DDX51: variants seen among roughly 807,000 people sequenced by gnomAD.
DDX51 encodes ATP-dependent RNA helicase DDX51.
DDX51 carries 67 observed loss-of-function variants against 74.6 expected under a neutral mutation model. That is an observed-to-expected ratio of 0.90 (90% CI 0.74 to 1.10). DDX51 has a LOEUF of 1.10. Among genes scored for constraint, DDX51 ranks in the 50% least tolerant of loss-of-function variants. The probability of loss-of-function intolerance (pLI) is 0.00; values close to 1 mark genes in which losing one functional copy is unlikely to be tolerated. For missense variants in DDX51, 1,056 were observed against 905.2 expected (o/e 1.17, Z -2.14); for synonymous variants, 545 against 402.9 (o/e 1.35, Z -4.22).
rs1897278996 is a variant in DDX51, at chr12:132,137,115, T to A, written c.*2157A>T. ...TCTGTGCTGCTCTGTGACACTTTTC[T>A]GCGAGGGTCTCTGGGTCTGCTCCCA... On this transcript the variant is annotated 3_prime_UTR_variant, in exon 15 of 15. Transcript: ENST00000397333. 1 of 152,252 alleles carries A rather than the reference T, an allele frequency of 6.6e-6. No homozygotes were observed. Among genetic ancestry groups the A allele is most frequent in the Non-Finnish European group, 1.5e-5 (1 of 68,068 alleles). 9.4% of individuals were successfully genotyped at this position (152,252 alleles called of 1,614,324 possible).
chr12:132,144,231 G>A lies in DDX51; in HGVS notation c.66C>T (p.Gly22=), dbSNP rs1897608605. 17 of 1,219,160 alleles carry A rather than the reference G, an allele frequency of 1.4e-5. No homozygotes were observed. In the East Asian group the frequency reaches 5.3e-4, roughly 38 times the overall value. The allele number at this position is 1,219,160 out of a possible 1,614,324, so 75.5% of individuals were successfully genotyped here. Residue 22 remains glycine, a synonymous_variant, in exon 1 of 15, where the codon GGC becomes GGT. Transcript: ENST00000397333. ...PDAAAAAGPE[G]AEAGAHGRAR... ...CCCTGCCGTGCGCCCCGGCCTCCGC[G>A]CCCTCCGGCCCCGCCGCAGCTGCCG...
At chr12:132,139,490 G>T in intron 14 of DDX51, 145 bp downstream of exon 14, 1 of 1,564,560 alleles carries the variant, frequency 6.4e-7, no homozygotes, top group Non-Finnish European at 8.8e-7. Flanking sequence ...CCCGCCCTTG[G>T]GCCAGAAGCT....
At position 132,138,971 on chromosome 12, in the gene DDX51, A is replaced by G; in HGVS notation, c.*301T>C. 4.4e-6 allele frequency: 2 copies of G among 454,272 alleles called. No individual in the cohort carries two copies. Among genetic ancestry groups the G allele is most frequent in the Non-Finnish European group, 7.9e-6 (2 of 254,196 alleles). 28.1% of individuals were successfully genotyped at this position (454,272 alleles called of 1,614,324 possible). A position where few individuals can be genotyped will look rare whatever the true frequency, so the allele number is the denominator to read the frequency against. ...GGTTAATGCCCCCAACTCTCAGCAA[A>G]AGCATGACGGGTGCCCGCGTCCGTC... On this transcript the variant is annotated 3_prime_UTR_variant, in exon 15 of 15. Transcript: ENST00000397333.
At chr12:132,142,237 C>T (rs1330126061) in intron 4 of DDX51, 40 bp downstream of exon 4, 1 of 1,606,938 alleles carries the variant, frequency 6.2e-7, no homozygotes, top group Admixed American at 1.7e-5. Context: ...TACCTGTCCT[C>T]TGCACACCCG....
At position 132,140,938 on chromosome 12, in the gene DDX51, C is replaced by T. The variant is rs765177581; in HGVS notation, c.1333G>A (p.Gly445Ser). 1 of 1,613,210 alleles carries T rather than the reference C, an allele frequency of 6.2e-7. No homozygotes were observed. Residue 445 changes from glycine (G) to serine (S), a missense_variant, in exon 9 of 15, where the codon GGC (glycine) becomes AGC (serine). Gly to Ser is a moderately conservative substitution (Grantham distance 56). Transcript: ENST00000397333. Reference protein sequence around the residue: ...TQNPEKLQQLGLHQPRLFSTG... With the variant: ...TQNPEKLQQLSLHQPRLFSTG... ...GAGAAAAGCCGGGGCTGGTGGAGGC[C>T]CAGCTGCTGCAGCTTTTCAGGGTTC...
intron 9 of DDX51, 46 bp downstream of exon 9, chr12:132,140,785 C>T (rs1360382576): frequency 3.7e-6 from 6 of 1,612,996 alleles, no homozygotes; most frequent in African/African-American, 1.3e-5. Flanking sequence ...GGTTAGGGGC[C>T]CCAGGTTCCC....
chr12:132,144,220 C>G lies in DDX51; in HGVS notation c.77G>C (p.Gly26Ala), dbSNP rs1897608193. The G allele has an allele frequency of 3.3e-6, 4 of 1,209,972 alleles. No homozygotes were observed. In the South Asian group the frequency reaches 1.2e-4, roughly 35 times the overall value. The allele number at this position is 1,209,972 out of a possible 1,614,324, so 75.0% of individuals were successfully genotyped here. The change falls in exon 1 of 15, where the codon GGG (glycine) becomes GCG (alanine). Residue 26 changes from glycine (G) to alanine (A), a missense_variant. By Grantham distance (60) the Gly-to-Ala change is moderately conservative (BLOSUM62 0). Coordinates refer to ENST00000397333, the MANE Select transcript of DDX51 (RefSeq NM_175066.4). ...AAAGPEGAEA[G>A]AHGRARALLE... is the part of the protein sequence containing the mutation. ...CAGCGCGCGGGCCCTGCCGTGCGCCCCGGCCTCCGCGCCCTCCGGCCCCGC... is the reference window on the plus strand; with the variant it reads ...CAGCGCGCGGGCCCTGCCGTGCGCCGCGGCCTCCGCGCCCTCCGGCCCCGC...
Position 132,139,088 on chromosome 12 carries a change from G to A in DDX51, c.*184C>T. 1.3e-6 allele frequency: 1 copy of A among 795,930 alleles called. No individual in the cohort carries two copies. Among genetic ancestry groups the A allele is most frequent in the Non-Finnish European group, 2.0e-6 (1 of 506,738 alleles). 49.3% of individuals were successfully genotyped at this position (795,930 alleles called of 1,614,324 possible). Reference sequence around the variant, plus strand: ...AAAGTGACAAGCCCTGAAGTCTCCAGTCGGGGCAGGTGCTTGAGCTCTGAC... The same window carrying A: ...AAAGTGACAAGCCCTGAAGTCTCCAATCGGGGCAGGTGCTTGAGCTCTGAC... On this transcript the variant is annotated 3_prime_UTR_variant, in exon 15 of 15. Coordinates refer to ENST00000397333, the MANE Select transcript of DDX51 (RefSeq NM_175066.4).
chr12:132,143,030 C>T, intron 2 of DDX51, 152 bp from the exon 3 acceptor site: 1 of 1,007,686 alleles, frequency 9.9e-7, no homozygotes, highest in Non-Finnish European at 1.5e-6. Flanking sequence ...ATACAGCCTT[C>T]AGAAGTTAAA....
intron 2 of DDX51, 73 bp downstream of exon 2, chr12:132,143,622 G>A: frequency 6.6e-7 from 1 of 1,510,730 alleles, no homozygotes; most frequent in South Asian, 1.2e-5. Flanking sequence ...ATCTTCCGGG[G>A]CGACCGCCGC....
intron 12 of DDX51, 32 bp downstream of exon 12, chr12:132,140,066 G>A (rs1897386159): frequency 1.2e-6 from 2 of 1,608,800 alleles, no homozygotes; most frequent in Admixed American, 1.7e-5. Context: ...CAAAGCCCCA[G>A]ACCCCCCAGT....
At position 132,139,110 on chromosome 12, in the gene DDX51, T is replaced by C; in HGVS notation, c.*162A>G. On this transcript the variant is annotated 3_prime_UTR_variant, in exon 15 of 15. Coordinates refer to ENST00000397333, the MANE Select transcript of DDX51 (RefSeq NM_175066.4). ...CCAGTCGGGGCAGGTGCTTGAGCTC[T>C]GACGCCCGGGCTGCCTGGCGCAGAG... 1.3e-5 allele frequency: 14 copies of C among 1,089,322 alleles called. No homozygotes were observed. Among genetic ancestry groups the C allele is most frequent in the Non-Finnish European group, 1.8e-5 (14 of 765,628 alleles). The allele number at this position is 1,089,322 out of a possible 1,614,324, so 67.5% of individuals were successfully genotyped here.
chr12:132,140,630 T>C lies in DDX51; in HGVS notation c.1546A>G (p.Asn516Asp). The change falls in exon 10 of 15, where the codon AAC (asparagine) becomes GAC (aspartate). Residue 516 changes from asparagine to aspartate, a missense_variant. By Grantham distance (23) the Asn-to-Asp change is conservative (BLOSUM62 1). Coordinates refer to ENST00000397333, the MANE Select transcript of DDX51 (RefSeq NM_175066.4). The part of the protein sequence containing the change: ...RVLCFTNSRE[N>D]SHRLFLLVQA... Reference sequence around the variant, plus strand: ...CAGCCGGGGCCTCACCTGTGGGAGTTCTCTCGGGAGTTAGTGAAGCAGAGA... The same window carrying C: ...CAGCCGGGGCCTCACCTGTGGGAGTCCTCTCGGGAGTTAGTGAAGCAGAGA... 6.2e-7 allele frequency: 1 copy of C among 1,612,758 alleles called. No homozygotes were observed. The highest frequency in any genetic ancestry group is 8.5e-7 in the Non-Finnish European group (1 of 1,179,978).
In DDX51 at chr12:132,141,411, C is replaced by G; in HGVS notation, c.1114G>C (p.Glu372Gln). The G allele has an allele frequency of 6.3e-7, 1 of 1,593,528 alleles. No homozygotes were observed. The highest frequency in any genetic ancestry group is 8.5e-7 in the Non-Finnish European group (1 of 1,176,408). The part of the protein sequence containing the change: ...LQQLRFLIID[E>Q]ADRMIDSMHQ... ...ATGCTGTCAATCATCCGGTCAGCCTCGTCGATAATCTGCAGGAGACAGGGA... is the reference window on the plus strand; with the variant it reads ...ATGCTGTCAATCATCCGGTCAGCCTGGTCGATAATCTGCAGGAGACAGGGA... Residue 372 changes from glutamate (E) to glutamine (Q), a missense_variant, in exon 8 of 15, where the codon GAG (glutamate) becomes CAG (glutamine). Coordinates refer to ENST00000397333, the MANE Select transcript of DDX51 (RefSeq NM_175066.4).
rs1172164896 is a variant in DDX51, at chr12:132,144,289, A to T, written c.8T>A (p.Leu3Gln). MA[L>Q]FYVARYPGPD... The stretch of plus-strand genomic sequence containing the variant: ...GCCCGGGTACCGCGCGACGTAGAAC[A>T]GCGCCATGGCCAGCCGCACGCCTGG... Residue 3 changes from leucine (L) to glutamine (Q), a missense_variant, in exon 1 of 15, where the codon CTG becomes CAG. By Grantham distance (113) the Leu-to-Gln change is moderately radical. Coordinates refer to ENST00000397333, the MANE Select transcript of DDX51 (RefSeq NM_175066.4). 2 of 1,324,568 alleles carry T rather than the reference A, an allele frequency of 1.5e-6. No individual in the cohort carries two copies. The highest frequency in any genetic ancestry group is 1.9e-6 in the Non-Finnish European group (2 of 1,040,608). 82.1% of individuals were successfully genotyped at this position (1,324,568 alleles called of 1,614,324 possible).
Position 132,142,860 on chromosome 12 carries a change from T to G in DDX51, c.538A>C (p.Arg180=), listed in dbSNP as rs778700769. 11 of 1,612,830 alleles carry G rather than the reference T, an allele frequency of 6.8e-6. No individual in the cohort carries two copies. In the South Asian group the frequency reaches 9.9e-5, roughly 14 times the overall value. The change falls in exon 3 of 15, where the codon AGG becomes CGG. Residue 180 remains arginine (R), a synonymous_variant. Transcript: ENST00000397333. The stretch of plus-strand genomic sequence containing the variant: ...ACACAGTTAGGCTCAGCCAGCCACC[T>G]TGGCAGGAAAGGCTGGACCTGCCAT... ...KAPKVQPFLP[R]WLAEPNCVRR...
At position 132,139,202 on chromosome 12, in the gene DDX51, G is replaced by A; in HGVS notation, c.*70C>T. The A allele has an allele frequency of 3.2e-6, 5 of 1,569,976 alleles. No individual in the cohort carries two copies. Among genetic ancestry groups the A allele is most frequent in the Non-Finnish European group, 8.6e-7 (1 of 1,158,712 alleles). Reference sequence around the variant, plus strand: ...CCTTTCCTCACATACAGGATCCAGTGATCAGCACTGCTCTGGAAGGAGGGT... The same window carrying A: ...CCTTTCCTCACATACAGGATCCAGTAATCAGCACTGCTCTGGAAGGAGGGT... On this transcript the variant is annotated 3_prime_UTR_variant, in exon 15 of 15. Coordinates refer to ENST00000397333, the MANE Select transcript of DDX51 (RefSeq NM_175066.4).
Position 132,142,156 on chromosome 12 carries a change from G to A in DDX51, c.851C>T (p.Ala284Val), listed in dbSNP as rs954895832. Residue 284 changes from alanine (A) to valine (V), a missense_variant, in exon 5 of 15, where the codon GCC (alanine) becomes GTC (valine). Coordinates refer to ENST00000397333, the MANE Select transcript of DDX51 (RefSeq NM_175066.4). Reference sequence around the variant, plus strand: ...CTCCTTGGTGGGCAGCACAACCAGGGCACGGATGTGGCAGACCACTCTCGA... The same window carrying A: ...CTCCTTGGTGGGCAGCACAACCAGGACACGGATGTGGCAGACCACTCTCGA... ...LLSRVVCHIRALVVLPTKELA... is the reference protein window; with the variant it reads ...LLSRVVCHIRVLVVLPTKELA... 1.3e-6 allele frequency: 2 copies of A among 1,552,300 alleles called. No individual in the cohort carries two copies. Among genetic ancestry groups the A allele is most frequent in the African/African-American group, 1.4e-5 (1 of 73,304 alleles).
chr12:132,143,400 A>G, intron 2 of DDX51: 1 of 541,842 alleles, frequency 1.8e-6, no homozygotes, highest in South Asian at 2.2e-5. Flanking sequence ...ACGGCCTCTG[A>G]CTTACTCCTG....
Sources: gnomAD v4.1 joint callset for allele counts on GRCh38, gnomAD v4.1.1 for gene constraint, MANE v1.5 for transcripts, NCBI Gene and HGNC (gene_info 2026-07-23, HGNC 2026-07-21) for gene names.